Variants in EYS observed in about 807,000 individuals in gnomAD.
The protein encoded by EYS is protein eyes shut homolog.
Under a neutral mutation model 282.1 loss-of-function variants are expected in EYS, and 250 were observed. The ratio of observed to expected loss-of-function variants is 0.89; its 90% CI spans 0.80 to 0.98. The LOEUF (loss-of-function observed/expected upper bound fraction) is 0.98, where lower values mean the gene tolerates loss of function less well. Among genes scored for constraint, EYS ranks in the 50% least tolerant of loss-of-function variants. EYS has a pLI of 0.00. For missense variants in EYS, 4,016 were observed against 3,709.0 expected (o/e 1.08, Z -2.15); for synonymous variants, 1,355 against 1,282.9 (o/e 1.06, Z -1.20).
At chr6:64,070,069 C>T (rs1001062173) in intron 32 of EYS, among the ~76,000 whole-genome samples, 1 of 152,042 alleles carries the variant, frequency 6.6e-6, no homozygotes, top group Admixed American at 6.6e-5. Context: ...AGTTCAGCCT[C>T]ACACAAAATG....
chr6:65,539,575 A>G (rs1768087004), intron 2 of EYS, among the ~76,000 whole-genome samples: 1 of 152,194 alleles, frequency 6.6e-6, no homozygotes, highest in Admixed American at 6.5e-5. Flanking sequence ...ATGCTAATTT[A>G]GACAGGTAGG....
At chr6:64,920,745 A>G (rs545008350) in intron 15 of EYS, among the ~76,000 whole-genome samples, 20 of 152,132 alleles carry the variant, frequency 1.3e-4, no homozygotes, top group Non-Finnish European at 2.2e-4. Flanking sequence ...TAAAGATCCT[A>G]TATACCTACA....
chr6:64,919,300 T>G (rs1274499314), intron 15 of EYS, among the ~76,000 whole-genome samples: 1 of 152,062 alleles, frequency 6.6e-6, no homozygotes, highest in Non-Finnish European at 1.5e-5. Flanking sequence ...GCCTCTCAAG[T>G]AGCTGGGATT....
intron 41 of EYS, among the ~76,000 whole-genome samples, chr6:63,747,008 C>CTT (rs1769225599): frequency 6.6e-6 from 1 of 152,118 alleles, no homozygotes; most frequent in Admixed American, 6.6e-5. Context: ...TTCTCCTGTT[C>CTT]TTTTAATTGT....
At chr6:65,189,178 A>G (rs1431742474) in intron 12 of EYS, among the ~76,000 whole-genome samples, 1 of 151,628 alleles carries the variant, frequency 6.6e-6, no homozygotes, top group Non-Finnish European at 1.5e-5. Context: ...TATATTTATG[A>G]TAGTAATTTG....
intron 22 of EYS, among the ~76,000 whole-genome samples, chr6:64,670,446 T>C (rs1769412646): frequency 7.6e-6 from 1 of 131,586 alleles, no homozygotes; most frequent in Non-Finnish European, 1.6e-5. Context: ...AATAAATAAA[T>C]GAAAAAAAAA....
At chr6:64,029,065 C>T (rs1383585838) in intron 33 of EYS, among the ~76,000 whole-genome samples, 4 of 152,080 alleles carry the variant, frequency 2.6e-5, no homozygotes, top group Admixed American at 2.6e-4. Context: ...CCCCTCTATA[C>T]ACTAATCAAG....
intron 33 of EYS, among the ~76,000 whole-genome samples, chr6:64,011,764 T>C (rs1768643280): frequency 6.6e-6 from 1 of 152,144 alleles, no homozygotes; most frequent in Non-Finnish European, 1.5e-5. Context: ...TGAAACCTAG[T>C]TCATGTATAA....
chr6:65,127,167 C>G (rs1445149896), intron 12 of EYS, among the ~76,000 whole-genome samples: 1 of 152,048 alleles, frequency 6.6e-6, no homozygotes, highest in Non-Finnish European at 1.5e-5. Context: ...CCAATCAACA[C>G]AGTTGTACTA....
At chr6:64,864,382 C>CTTTTTTTTT (rs1562231995) in intron 19 of EYS, among the ~76,000 whole-genome samples, 2 of 40,082 alleles carry the variant, frequency 5.0e-5, no homozygotes, top group Non-Finnish European at 1.1e-4. Flanking sequence ...GGTGCTATAC[C>CTTTTTTTTT]TTCTTTTTTT....
chr6:64,626,645 G>A (rs1411496913), intron 22 of EYS, among the ~76,000 whole-genome samples: 1 of 152,094 alleles, frequency 6.6e-6, no homozygotes, highest in Admixed American at 6.6e-5. Context: ...GGAACACCCA[G>A]AGCCTCTAGA....
chr6:65,618,416 T>C (rs572101231), intron 2 of EYS, among the ~76,000 whole-genome samples: 1 of 152,362 alleles, frequency 6.6e-6, no homozygotes, highest in East Asian at 1.9e-4. Context: ...TTTTTTCTTG[T>C]ATATTTGTTT....
chr6:64,725,798 C>T (rs1043623983), intron 22 of EYS, among the ~76,000 whole-genome samples: 3 of 151,824 alleles, frequency 2.0e-5, no homozygotes, highest in African/African-American at 7.3e-5. Flanking sequence ...GTTTAATCAA[C>T]CTCTTCTGTT....
intron 1 of EYS, among the ~76,000 whole-genome samples, chr6:65,696,587 T>C (rs9354277): frequency 0.051 from 7,718 of 151,938 alleles, 447 homozygotes; most frequent in East Asian, 0.32. Flanking sequence ...TAATGGAAAA[T>C]ATAGGGGAAG....
At chr6:64,530,178 A>G (rs1008602353) in intron 26 of EYS, among the ~76,000 whole-genome samples, 2 of 152,100 alleles carry the variant, frequency 1.3e-5, no homozygotes, top group African/African-American at 2.4e-5. Context: ...TCTAACACTG[A>G]TAAGTAAAAT....
intron 12 of EYS, among the ~76,000 whole-genome samples, chr6:65,114,574 G>A (rs919492970): frequency 1.3e-5 from 2 of 151,234 alleles, no homozygotes; most frequent in African/African-American, 4.9e-5. Context: ...CTCCAGAAGT[G>A]GAAAAAATCT....
intron 31 of EYS, among the ~76,000 whole-genome samples, chr6:64,187,910 T>C (rs1764995525): frequency 1.3e-5 from 2 of 152,116 alleles, no homozygotes; most frequent in African/African-American, 4.8e-5. Context: ...CTTTTTAATG[T>C]TAACTGGAGT....
At chr6:63,827,733 A>G (rs1303213586) in intron 36 of EYS, among the ~76,000 whole-genome samples, 1 of 151,594 alleles carries the variant, frequency 6.6e-6, no homozygotes, top group Non-Finnish European at 1.5e-5. Flanking sequence ...AGTCCCAGCT[A>G]CTTGGGAGGC....
chr6:65,358,403 A>G (rs1011053775), intron 8 of EYS, among the ~76,000 whole-genome samples: 7 of 151,826 alleles, frequency 4.6e-5, no homozygotes, highest in African/African-American at 1.7e-4. Flanking sequence ...TTTGCCTGGG[A>G]CTTTCTGTTT....
Sources: allele counts gnomAD v4.1 joint callset (sites outside exome capture counted in the v4.1 genomes callset), GRCh38; gene constraint gnomAD v4.1.1; transcripts MANE v1.5; gene names NCBI Gene and HGNC (gene_info 2026-07-23, HGNC 2026-07-21).